Variants in CA8 observed in about 807,000 individuals in gnomAD.
The protein encoded by CA8 is carbonic anhydrase-related protein.
A neutral mutation model predicts 41.4 loss-of-function variants in CA8; 22 were observed. That is an observed-to-expected ratio of 0.53 (90% CI 0.38 to 0.76). The LOEUF (loss-of-function observed/expected upper bound fraction) is 0.76. Ranked by LOEUF, CA8 falls within the 30% of genes least tolerant of loss-of-function variation. The pLI, the probability that CA8 is intolerant of heterozygous loss-of-function variation, is 0.00. For synonymous variants in CA8, 121 were observed against 130.6 expected (o/e 0.93, Z 0.50); for missense variants, 270 against 352.8 (o/e 0.77, Z 1.88).
intron 7 of CA8, among the ~76,000 whole-genome samples, chr8:60,220,178 G>C (rs1482015188): frequency 1.3e-5 from 2 of 152,296 alleles, no homozygotes; most frequent in Non-Finnish European, 2.9e-5. Flanking sequence ...GAAAAGAAAA[G>C]AAGGCGTTCA....
chr8:60,206,975 G>A (rs77825500), intron 8 of CA8, among the ~76,000 whole-genome samples: 3,056 of 150,236 alleles, frequency 0.02, 60 homozygotes, highest in African/African-American at 0.048. Context: ...ATCCCACCCC[G>A]TCTCTGTTGC....
chr8:60,186,772 A>G lies in CA8; in HGVS notation c.*3249T>C, dbSNP rs546450291. ...GCTGGGGCAGCTATATTAATATCTG[A>G]CAAAGTATATATTAAAATAAAAAAA... On this transcript the variant is annotated 3_prime_UTR_variant, in exon 9 of 9. Transcript: ENST00000317995. 6.8e-6 allele frequency among the ~76,000 whole-genome samples: 1 copy of G among 146,544 alleles called. No individual in the cohort carries two copies. The highest frequency in any genetic ancestry group is 2.1e-4 in the East Asian group (1 of 4,876).
intron 6 of CA8, 60 bp from the exon 7 acceptor site, chr8:60,222,821 A>G (rs1287564250): frequency 1.0e-6 from 1 of 1,003,098 alleles, no homozygotes; most frequent in African/African-American, 1.6e-5. Context: ...AATCCTGATG[A>G]CTCCAACAAC....
intron 2 of CA8, 58 bp from the exon 3 acceptor site, chr8:60,266,107 A>C: frequency 6.5e-7 from 1 of 1,532,300 alleles, no homozygotes; most frequent in Non-Finnish European, 8.8e-7. Flanking sequence ...AGCATTATAA[A>C]CATTAGAGAC....
intron 3 of CA8, among the ~76,000 whole-genome samples, chr8:60,235,508 C>T (rs926156026): frequency 6.6e-6 from 1 of 152,190 alleles, no homozygotes; most frequent in Admixed American, 6.5e-5. Context: ...GCTTTTTGCT[C>T]ACCATAAGAA....
At chr8:60,269,704 T>TGAA (rs1804008361) in intron 2 of CA8, among the ~76,000 whole-genome samples, 1 of 152,242 alleles carries the variant, frequency 6.6e-6, no homozygotes, top group Non-Finnish European at 1.5e-5. Context: ...ACTTCAAAGC[T>TGAA]AAGTTTTGAG....
intron 3 of CA8, 173 bp from the exon 4 acceptor site, chr8:60,232,552 TCTTATTTCTGAACAGAAGCAGTG>T (rs1456741616): frequency 3.0e-6 from 2 of 671,736 alleles, no homozygotes; most frequent in African/African-American, 3.5e-5. Context: ...ATTCCTTCCT[TCTTATTTCTGAACAGAAGCAGTG>T]CTTAGTGGAT....
At position 60,186,463 on chromosome 8, in the gene CA8, A is replaced by T. The variant is rs775285042; in HGVS notation, c.*3558T>A. ...CTAGAAAATATTCACCTAATTAAAAAAAAAGTAATAGAGGAGGAATAAAGG... is the reference window on the plus strand; with the variant it reads ...CTAGAAAATATTCACCTAATTAAAATAAAAGTAATAGAGGAGGAATAAAGG... On this transcript the variant is annotated 3_prime_UTR_variant, in exon 9 of 9. Coordinates refer to ENST00000317995, the MANE Select transcript of CA8 (RefSeq NM_004056.6). Among the ~76,000 whole-genome samples, 2 of 151,956 alleles carry T rather than the reference A, an allele frequency of 1.3e-5. No individual in the cohort carries two copies. Among genetic ancestry groups the T allele is most frequent in the African/African-American group, 2.4e-5 (1 of 41,424 alleles).
At chr8:60,204,463 C>G (rs985230616) in intron 8 of CA8, among the ~76,000 whole-genome samples, 1 of 152,110 alleles carries the variant, frequency 6.6e-6, no homozygotes, top group East Asian at 1.9e-4. Flanking sequence ...ATTAACATTT[C>G]TAAAACATAA....
At chr8:60,239,633 G>C (rs550202245) in intron 3 of CA8, among the ~76,000 whole-genome samples, 3 of 152,208 alleles carry the variant, frequency 2.0e-5, no homozygotes, top group Non-Finnish European at 4.4e-5. Context: ...ATGTGACCTT[G>C]TAGAGTTGGT....
In CA8 at chr8:60,189,908, C is replaced by T. The variant is rs1273734032; in HGVS notation, c.*113G>A. On this transcript the variant is annotated 3_prime_UTR_variant, in exon 9 of 9. Transcript: ENST00000317995. ...ATTAGATGAAGACAAACAACGCAGG[C>T]TTTGAGGATAAACTGAAGGTGCAGC... 3 of 151,478 alleles carry T rather than the reference C, an allele frequency of 2.0e-5. No individual in the cohort carries two copies. The highest frequency in any genetic ancestry group is 4.4e-5 in the Non-Finnish European group (3 of 67,858). The allele number at this position is 151,478 out of a possible 1,614,324, so 9.4% of individuals were successfully genotyped here.
intron 4 of CA8, among the ~76,000 whole-genome samples, chr8:60,230,739 G>A: frequency 6.6e-6 from 1 of 152,168 alleles, no homozygotes; most frequent in East Asian, 1.9e-4. Context: ...TGCTCTCCAG[G>A]CTTTCCCTTC....
At chr8:60,264,314 CTA>C (rs906419585) in intron 3 of CA8, among the ~76,000 whole-genome samples, 194 of 152,348 alleles carry the variant, frequency 1.3e-3, no homozygotes, top group African/African-American at 4.4e-3. Context: ...ACTTTTGTTA[CTA>C]GAGTCTGTCT....
intron 3 of CA8, among the ~76,000 whole-genome samples, chr8:60,240,954 A>C (rs1438347579): frequency 6.6e-6 from 1 of 152,238 alleles, no homozygotes; most frequent in African/African-American, 2.4e-5. Flanking sequence ...TGGAAAAAGA[A>C]GGAAAAAAAG....
chr8:60,192,465 T>C (rs775198175), intron 8 of CA8, among the ~76,000 whole-genome samples: 2 of 152,182 alleles, frequency 1.3e-5, no homozygotes, highest in Non-Finnish European at 2.9e-5. Flanking sequence ...ACTACAATAC[T>C]GTGCTCCAAC....
At chr8:60,253,968 A>C (rs1466177220) in intron 3 of CA8, among the ~76,000 whole-genome samples, 3 of 152,186 alleles carry the variant, frequency 2.0e-5, no homozygotes, top group African/African-American at 7.2e-5. Flanking sequence ...GGGAATGTGA[A>C]CTGTGGCCTA....
intron 8 of CA8, among the ~76,000 whole-genome samples, chr8:60,203,471 A>T (rs1348912256): frequency 1.3e-5 from 2 of 152,150 alleles, no homozygotes; most frequent in Non-Finnish European, 2.9e-5. Flanking sequence ...GTAGACTTTT[A>T]GGCAAGTCTC....
chr8:60,235,532 C>T (rs528567664), intron 3 of CA8, among the ~76,000 whole-genome samples: 1 of 152,356 alleles, frequency 6.6e-6, no homozygotes, highest in East Asian at 1.9e-4. Flanking sequence ...CTCTTCAAAT[C>T]TGAAAAGCTT....
intron 3 of CA8, chr8:60,265,703 T>G (rs567223828): frequency 1.8e-6 from 1 of 547,118 alleles, no homozygotes; most frequent in East Asian, 3.2e-5. Context: ...TAGATTGCCT[T>G]TCTGGCCATG....
Sources: gnomAD v4.1 joint callset for allele counts (sites outside exome capture counted in the v4.1 genomes callset) on GRCh38, gnomAD v4.1.1 for gene constraint, MANE v1.5 for transcripts, NCBI Gene and HGNC (gene_info 2026-07-23, HGNC 2026-07-21) for gene names.